Variants in TMCC1 observed in about 807,000 individuals in gnomAD.
TMCC1 encodes the protein transmembrane and coiled-coil domains protein 1.
TMCC1 carries 15 observed loss-of-function variants against 52.4 expected under a neutral mutation model. The observed-to-expected ratio is 0.29, with a 90% confidence interval of 0.19 to 0.44. TMCC1 has a LOEUF of 0.44. Ranked by LOEUF, TMCC1 falls within the 20% of genes least tolerant of loss-of-function variation. The probability of loss-of-function intolerance (pLI) is 1.00; values close to 1 mark genes in which losing one functional copy is unlikely to be tolerated. For synonymous variants in TMCC1, 279 were observed against 301.9 expected, an observed-to-expected ratio of 0.92 and a Z score of 0.79; for missense variants, 503 against 806.0, an observed-to-expected ratio of 0.62 and a Z score of 4.55.
intron 1 of TMCC1, among the ~76,000 whole-genome samples, chr3:129,892,344 G>C (rs1272048029): frequency 6.6e-6 from 1 of 152,132 alleles, no homozygotes; most frequent in Non-Finnish European, 1.5e-5. Flanking sequence ...GTAGAGGACA[G>C]GGTTATTAAG....
intron 4 of TMCC1, among the ~76,000 whole-genome samples, chr3:129,769,403 T>C (rs2054369915): frequency 6.6e-6 from 1 of 152,152 alleles, no homozygotes; most frequent in African/African-American, 2.4e-5. Context: ...CTAATTTTTG[T>C]ATTTTTAGTA....
At chr3:129,695,907 C>A (rs1231843735) in intron 4 of TMCC1, among the ~76,000 whole-genome samples, 1 of 152,106 alleles carries the variant, frequency 6.6e-6, no homozygotes, top group Non-Finnish European at 1.5e-5. Context: ...TTTTATTTAA[C>A]CCTATGTATC....
intron 4 of TMCC1, among the ~76,000 whole-genome samples, chr3:129,731,852 T>C (rs955856376): frequency 2.0e-5 from 3 of 152,052 alleles, no homozygotes; most frequent in African/African-American, 7.2e-5. Flanking sequence ...CTTGAACTCC[T>C]GAGCTTAAAC....
chr3:129,782,468 A>T (rs1201346445), intron 4 of TMCC1, among the ~76,000 whole-genome samples: 1 of 152,198 alleles, frequency 6.6e-6, no homozygotes, highest in Non-Finnish European at 1.5e-5. Flanking sequence ...TGAAAACTGG[A>T]TTCTGAAATA....
chr3:129,683,648 AGGTGAACTCTGG>A (rs1170966610), intron 4 of TMCC1, among the ~76,000 whole-genome samples: 1 of 152,200 alleles, frequency 6.6e-6, no homozygotes. Context: ...TATTGTACAG[AGGTGAACTCTGG>A]GCTTTTAGTA....
intron 4 of TMCC1, among the ~76,000 whole-genome samples, chr3:129,718,820 CATATA>C (rs942119411): frequency 1.3e-5 from 2 of 151,970 alleles, no homozygotes; most frequent in African/African-American, 4.8e-5. Context: ...GTATATAATA[CATATA>C]ATATATAAAA....
At chr3:129,685,965 T>A (rs1447406914) in intron 4 of TMCC1, among the ~76,000 whole-genome samples, 1 of 152,130 alleles carries the variant, frequency 6.6e-6, no homozygotes, top group African/African-American at 2.4e-5. Context: ...ATAAGGCCAA[T>A]CAATTTTACT....
intron 4 of TMCC1, among the ~76,000 whole-genome samples, chr3:129,821,841 G>A (rs2058438897): frequency 1.3e-5 from 2 of 152,094 alleles, no homozygotes; most frequent in Non-Finnish European, 2.9e-5. Context: ...GAGGCGGGTG[G>A]ATGACTTGAG....
chr3:129,860,588 T>A (rs1440501444), intron 2 of TMCC1, among the ~76,000 whole-genome samples: 2 of 152,058 alleles, frequency 1.3e-5, no homozygotes, highest in Non-Finnish European at 2.9e-5. Flanking sequence ...GCATTTTCTA[T>A]AACAAACACA....
chr3:129,769,924 C>T (rs2054418248), intron 4 of TMCC1, among the ~76,000 whole-genome samples: 1 of 152,172 alleles, frequency 6.6e-6, no homozygotes, highest in South Asian at 2.1e-4. Context: ...AAGAATTTGT[C>T]TACCCTTTCC....
At chr3:129,886,341 G>C (rs1290503570) in intron 1 of TMCC1, among the ~76,000 whole-genome samples, 3 of 152,128 alleles carry the variant, frequency 2.0e-5, no homozygotes, top group African/African-American at 7.2e-5. Context: ...TTTATCCAAA[G>C]TCAAGCCATT....
chr3:129,800,317 T>G (rs749880820), intron 4 of TMCC1, among the ~76,000 whole-genome samples: 3 of 152,232 alleles, frequency 2.0e-5, no homozygotes, highest in African/African-American at 4.8e-5. Context: ...GGAGCTCATA[T>G]AGCATATTTT....
intron 4 of TMCC1, among the ~76,000 whole-genome samples, chr3:129,719,579 G>A (rs2049396982): frequency 6.6e-6 from 1 of 152,158 alleles, no homozygotes. Context: ...TCCTCAACTA[G>A]TGTAATCTAA....
intron 1 of TMCC1, among the ~76,000 whole-genome samples, chr3:129,883,686 T>A (rs532998761): frequency 7.9e-5 from 12 of 152,214 alleles, no homozygotes; most frequent in Middle Eastern, 3.4e-3. Flanking sequence ...ATAAAAAAAA[T>A]ATATTTTTTG....
At chr3:129,886,216 G>A (rs1424510124) in intron 1 of TMCC1, among the ~76,000 whole-genome samples, 1 of 152,124 alleles carries the variant, frequency 6.6e-6, no homozygotes, top group Non-Finnish European at 1.5e-5. Context: ...GCTACCTACT[G>A]TTACCCTATC....
intron 4 of TMCC1, among the ~76,000 whole-genome samples, chr3:129,672,060 T>C (rs2087991446): frequency 1.3e-5 from 2 of 152,196 alleles, no homozygotes; most frequent in East Asian, 1.9e-4. Context: ...AGGTTTTTGT[T>C]AGGCAAGGGA....
intron 1 of TMCC1, among the ~76,000 whole-genome samples, chr3:129,892,184 T>C (rs1344914326): frequency 6.6e-6 from 1 of 152,200 alleles, no homozygotes; most frequent in East Asian, 1.9e-4. Flanking sequence ...CGTCTAAAAT[T>C]TTCCTATGCT....
Position 129,873,343 on chromosome 3 carries a change from G to A in TMCC1, c.-184+6966C>T, listed in dbSNP as rs2061023955. Among the ~76,000 whole-genome samples the A allele has an allele frequency of 3.4e-5, 5 of 147,542 alleles. No homozygotes were observed. In the South Asian group the frequency reaches 1.1e-3, roughly 32 times the overall value. ...AAACCCAAAAGAAAAAAAATCACAG[G>A]AAATACATAACATGAAACACTATGC... is the stretch of plus-strand genomic sequence containing the variant. On this transcript the variant is annotated intron_variant, in intron 2 of 6. Transcript: ENST00000393238.
intron 2 of TMCC1, among the ~76,000 whole-genome samples, chr3:129,855,438 T>A (rs2060109000): frequency 6.6e-6 from 1 of 150,758 alleles, no homozygotes; most frequent in African/African-American, 2.4e-5. Context: ...AAAATAAAAC[T>A]CTACCAAAAA....
Sources: allele counts gnomAD v4.1 joint callset (sites outside exome capture counted in the v4.1 genomes callset), GRCh38; gene constraint gnomAD v4.1.1; transcripts MANE v1.5; gene names NCBI Gene and HGNC (gene_info 2026-07-23, HGNC 2026-07-21).